Variants in THSD7A observed in about 807,000 individuals in gnomAD.
The protein encoded by THSD7A is thrombospondin type-1 domain-containing protein 7A.
Under a neutral mutation model 231.3 loss-of-function variants are expected in THSD7A, and 96 were observed. The ratio of observed to expected loss-of-function variants is 0.41; its 90% CI spans 0.35 to 0.49. The LOEUF (loss-of-function observed/expected upper bound fraction) is 0.49, where lower values mean the gene tolerates loss of function less well. THSD7A is among the 20% of genes least tolerant of loss of function. The pLI is 0.05. For synonymous variants in THSD7A, 940 were observed against 743.3 expected (o/e 1.26, Z -4.30); for missense variants, 2,290 against 2,070.2 (o/e 1.11, Z -2.06).
chr7:11,639,000 C>T (rs1037103061), intron 1 of THSD7A, among the ~76,000 whole-genome samples: 1 of 152,102 alleles, frequency 6.6e-6, no homozygotes. Flanking sequence ...ACATCCTTGG[C>T]ATTTATTCCC....
At chr7:11,603,555 G>C (rs1456318738) in intron 2 of THSD7A, among the ~76,000 whole-genome samples, 12 of 151,876 alleles carry the variant, frequency 7.9e-5, no homozygotes, top group Admixed American at 7.9e-4. Context: ...TATAAATCTT[G>C]CTGCTATAAA....
chr7:11,413,279 C>A (rs986159194), intron 17 of THSD7A, among the ~76,000 whole-genome samples: 1 of 151,670 alleles, frequency 6.6e-6, no homozygotes. Context: ...AATTTTAATT[C>A]TTAATTTAGA....
At chr7:11,409,409 C>T (rs1783703937) in intron 19 of THSD7A, among the ~76,000 whole-genome samples, 1 of 152,154 alleles carries the variant, frequency 6.6e-6, no homozygotes, top group Non-Finnish European at 1.5e-5. Flanking sequence ...CCCTAATTGC[C>T]ATGCAACATT....
chr7:11,482,275 C>T (rs1786458851), intron 6 of THSD7A, among the ~76,000 whole-genome samples: 1 of 152,148 alleles, frequency 6.6e-6, no homozygotes, highest in East Asian at 1.9e-4. Flanking sequence ...CCATTAAGTA[C>T]TAATTTTTAT....
At chr7:11,738,142 C>T (rs1526523) in intron 1 of THSD7A, among the ~76,000 whole-genome samples, 132,378 of 152,004 alleles carry the variant, frequency 0.87, 57,980 homozygotes, top group African/African-American at 0.96. Context: ...ACAGACTGAG[C>T]ATCCCTTATA....
At chr7:11,514,880 G>A (rs74761283) in intron 6 of THSD7A, among the ~76,000 whole-genome samples, 6 of 152,114 alleles carry the variant, frequency 3.9e-5, no homozygotes, top group Admixed American at 3.3e-4. Context: ...CCAAAACTAA[G>A]AACCACTAAT....
intron 4 of THSD7A, among the ~76,000 whole-genome samples, chr7:11,581,612 C>A (rs1791169788): frequency 6.6e-6 from 1 of 151,966 alleles, no homozygotes; most frequent in South Asian, 2.1e-4. Flanking sequence ...CTTCATTGAA[C>A]AATATCAATT....
intron 4 of THSD7A, among the ~76,000 whole-genome samples, chr7:11,571,790 G>A (rs1172631357): frequency 6.6e-6 from 1 of 151,496 alleles, no homozygotes; most frequent in East Asian, 1.9e-4. Flanking sequence ...TTATTCACAT[G>A]TATGTATTGT....
chr7:11,655,658 A>T (rs567360676), intron 1 of THSD7A, among the ~76,000 whole-genome samples: 2 of 152,056 alleles, frequency 1.3e-5, no homozygotes, highest in South Asian at 4.1e-4. Flanking sequence ...CAGTAAATAC[A>T]TAAAATACCT....
At chr7:11,748,155 T>G (rs1450328735) in intron 1 of THSD7A, among the ~76,000 whole-genome samples, 3 of 151,926 alleles carry the variant, frequency 2.0e-5, no homozygotes, top group African/African-American at 7.2e-5. Context: ...CAGGAGAGAA[T>G]GTGTGAGGGC....
At chr7:11,767,081 A>C (rs1783053579) in intron 1 of THSD7A, among the ~76,000 whole-genome samples, 1 of 152,156 alleles carries the variant, frequency 6.6e-6, no homozygotes, top group South Asian at 2.1e-4. Flanking sequence ...GTGTACATGC[A>C]TGTGCATGTA....
chr7:11,815,724 T>C (rs960679358), intron 1 of THSD7A, among the ~76,000 whole-genome samples: 4 of 152,136 alleles, frequency 2.6e-5, no homozygotes, highest in Non-Finnish European at 4.4e-5. Context: ...AAATATATTC[T>C]TTCATTCCTG....
intron 2 of THSD7A, among the ~76,000 whole-genome samples, chr7:11,608,279 T>G (rs2128347740): frequency 6.6e-6 from 1 of 152,286 alleles, no homozygotes; most frequent in Admixed American, 6.5e-5. Flanking sequence ...AAGAGGCCTG[T>G]TTTTAAAACT....
intron 4 of THSD7A, among the ~76,000 whole-genome samples, chr7:11,558,055 T>G (rs570492238): frequency 5.3e-5 from 8 of 152,204 alleles, no homozygotes; most frequent in Non-Finnish European, 1.0e-4. Flanking sequence ...GAGCAGGAAT[T>G]TGTTAGGGTT....
In THSD7A at chr7:11,481,987, G is replaced by A; in HGVS notation, c.1823-5C>T. On this transcript the variant is annotated splice_region_variant and splice_polypyrimidine_tract_variant and intron_variant, in intron 6 of 27. Coordinates refer to ENST00000423059, the MANE Select transcript of THSD7A (RefSeq NM_015204.3). ...GCTGTCTGTCAACTTCTTCTCCTGGGGAAAACATGACCACCAACAGCTATT... is the reference window on the plus strand; with the variant it reads ...GCTGTCTGTCAACTTCTTCTCCTGGAGAAAACATGACCACCAACAGCTATT... 3 of 1,583,246 alleles carry A rather than the reference G, an allele frequency of 1.9e-6. No homozygotes were observed. Among genetic ancestry groups the A allele is most frequent in the Middle Eastern group, 1.7e-4 (1 of 5,922 alleles).
chr7:11,542,922 T>C (rs1789213269), intron 5 of THSD7A, 40 bp downstream of exon 5: 4 of 1,582,568 alleles, frequency 2.5e-6, no homozygotes, highest in South Asian at 1.2e-5. Flanking sequence ...TTTGATACAA[T>C]TGGTGGGTAT....
chr7:11,670,705 T>C (rs890246659), intron 1 of THSD7A, among the ~76,000 whole-genome samples: 1 of 152,180 alleles, frequency 6.6e-6, no homozygotes, highest in Non-Finnish European at 1.5e-5. Flanking sequence ...TGGTATTAAC[T>C]TATTCTGCAC....
At chr7:11,798,592 A>G (rs1469323887) in intron 1 of THSD7A, among the ~76,000 whole-genome samples, 1 of 152,078 alleles carries the variant, frequency 6.6e-6, no homozygotes, top group African/African-American at 2.4e-5. Context: ...TGTCACTATT[A>G]TTTAGGTGAT....
chr7:11,424,567 T>C, intron 16 of THSD7A, 129 bp downstream of exon 16: 2 of 1,285,390 alleles, frequency 1.6e-6, no homozygotes, highest in Non-Finnish European at 2.2e-6. Context: ...GAGCACAGAT[T>C]CCCTAAAAGC....
Sources: allele counts gnomAD v4.1 joint callset (sites outside exome capture counted in the v4.1 genomes callset), GRCh38; gene constraint gnomAD v4.1.1; transcripts MANE v1.5; gene names NCBI Gene and HGNC (gene_info 2026-07-23, HGNC 2026-07-21).